GALNT13: variants seen among roughly 807,000 people sequenced by gnomAD.
GALNT13 encodes the protein polypeptide N-acetylgalactosaminyltransferase 13, also known as UDP-GalNAc:polypeptide N-acetylgalactosaminyltransferase 13.
GALNT13 carries 28 observed loss-of-function variants against 64.2 expected under a neutral mutation model. The ratio of observed to expected loss-of-function variants is 0.44; its 90% CI spans 0.32 to 0.60. The LOEUF is 0.60. Ranked by LOEUF, GALNT13 falls within the 20% of genes least tolerant of loss-of-function variation. The pLI is 0.05. For missense variants in GALNT13, 577 were observed against 669.8 expected (o/e 0.86, Z 1.53); for synonymous variants, 214 against 224.6 (o/e 0.95, Z 0.42).
intron 9 of GALNT13, among the ~76,000 whole-genome samples, chr2:154,379,746 A>C (rs1255667320): frequency 6.6e-6 from 1 of 152,074 alleles, no homozygotes; most frequent in Non-Finnish European, 1.5e-5. Context: ...ATTTACAATG[A>C]ATTCTGCAAC....
chr2:153,817,345 A>G, the GALNT13 span, among the ~76,000 whole-genome samples: 1 of 152,224 alleles, frequency 6.6e-6, no homozygotes, highest in African/African-American at 2.4e-5. Flanking sequence ...CATAAAATTC[A>G]GTTTTAGCAA....
chr2:154,285,804 G>C (rs983353122), intron 8 of GALNT13, among the ~76,000 whole-genome samples: 1 of 151,932 alleles, frequency 6.6e-6, no homozygotes, highest in African/African-American at 2.4e-5. Context: ...ATTACTTTAG[G>C]TAATATGAAC....
chr2:154,011,850 A>T (rs779663216), intron 3 of GALNT13, among the ~76,000 whole-genome samples: 3 of 152,080 alleles, frequency 2.0e-5, no homozygotes, highest in Non-Finnish European at 4.4e-5. Flanking sequence ...TTCTTGGTCT[A>T]ATGTTTGTTT....
At chr2:153,563,543 G>A in the GALNT13 span, among the ~76,000 whole-genome samples, 1 of 152,008 alleles carries the variant, frequency 6.6e-6, no homozygotes, top group Non-Finnish European at 1.5e-5. Flanking sequence ...TGTGGAGCGG[G>A]TCCGGGTAGT....
chr2:154,069,703 T>G (rs12693912), intron 3 of GALNT13, among the ~76,000 whole-genome samples: 114,931 of 151,878 alleles, frequency 0.76, 43,869 homozygotes, highest in East Asian at 0.96. Context: ...CTATGGGATT[T>G]GCACAAGGAT....
chr2:153,524,603 G>C, the GALNT13 span, among the ~76,000 whole-genome samples: 1 of 152,232 alleles, frequency 6.6e-6, no homozygotes, highest in Non-Finnish European at 1.5e-5. Context: ...GGGGGAGGAA[G>C]ATGGCAGTAT....
At chr2:153,770,678 A>T in the GALNT13 span, among the ~76,000 whole-genome samples, 107 of 152,340 alleles carry the variant, frequency 7.0e-4, no homozygotes, top group African/African-American at 2.5e-3. Flanking sequence ...GCTGATACAC[A>T]TAGGTATGTA....
intron 3 of GALNT13, among the ~76,000 whole-genome samples, chr2:154,086,384 A>T (rs893592020): frequency 6.8e-6 from 1 of 148,100 alleles, no homozygotes; most frequent in African/African-American, 2.5e-5. Flanking sequence ...CACCAATTCT[A>T]TTTATATTAT....
the GALNT13 span, among the ~76,000 whole-genome samples, chr2:153,504,889 G>A: frequency 2.4e-4 from 36 of 152,194 alleles, 1 homozygote; most frequent in South Asian, 6.2e-3. Context: ...GGGTAATACC[G>A]GCTTCATAGA....
At chr2:153,402,978 C>G in the GALNT13 span, among the ~76,000 whole-genome samples, 1 of 152,052 alleles carries the variant, frequency 6.6e-6, no homozygotes. Context: ...TGAGGAACTG[C>G]GTTCCTTTGG....
chr2:153,567,921 C>T, the GALNT13 span, among the ~76,000 whole-genome samples: 1 of 152,306 alleles, frequency 6.6e-6, no homozygotes, highest in African/African-American at 2.4e-5. Flanking sequence ...GTGCTGAGCA[C>T]GTACATTAAG....
In GALNT13 at chr2:154,396,028, A is replaced by C. The variant is rs1699037714; in HGVS notation, c.1194A>C (p.Arg398Ser). The C allele has an allele frequency of 6.2e-7, 1 of 1,610,328 alleles. No individual in the cohort carries two copies. Among genetic ancestry groups the C allele is most frequent in the Non-Finnish European group, 8.5e-7 (1 of 1,178,392 alleles). Residue 398 changes from arginine to serine, a missense_variant, in exon 10 of 13, where the codon AGA becomes AGC. Transcript: ENST00000392825. Reference sequence around the variant, plus strand: ...TGGATTATGGAGATGTGTCAGTCAGAAAAACACTAAGAGAAAATCTGAAGT... The same window carrying C: ...TGGATTATGGAGATGTGTCAGTCAGCAAAACACTAAGAGAAAATCTGAAGT... ...VKVDYGDVSV[R>S]KTLRENLKCK...
At chr2:153,103,280 C>G in the GALNT13 span, among the ~76,000 whole-genome samples, 3 of 152,198 alleles carry the variant, frequency 2.0e-5, no homozygotes, top group Non-Finnish European at 4.4e-5. Context: ...TCTTTCTGTT[C>G]TTGAAGTATG....
chr2:154,438,857 A>T (rs1237829951), intron 12 of GALNT13, 131 bp downstream of exon 12: 7 of 683,020 alleles, frequency 1.0e-5, no homozygotes, highest in Admixed American at 8.9e-5. Flanking sequence ...ATGCAGGCTC[A>T]TATCCGGTAA....
intron 8 of GALNT13, among the ~76,000 whole-genome samples, chr2:154,266,404 C>CA: frequency 6.6e-6 from 1 of 152,008 alleles, no homozygotes; most frequent in Non-Finnish European, 1.5e-5. Flanking sequence ...ACAAATAAGA[C>CA]AGTCTTCTTA....
At chr2:153,206,737 ATGG>A in the GALNT13 span, among the ~76,000 whole-genome samples, 1 of 152,064 alleles carries the variant, frequency 6.6e-6, no homozygotes, top group Non-Finnish European at 1.5e-5. Flanking sequence ...AAAGTTTGAA[ATGG>A]TGATGTGATT....
chr2:153,978,991 C>T (rs534476423), intron 3 of GALNT13, among the ~76,000 whole-genome samples: 5 of 152,176 alleles, frequency 3.3e-5, no homozygotes, highest in African/African-American at 9.6e-5. Flanking sequence ...CAGTAATATG[C>T]TCCTTACGTC....
At chr2:154,362,483 G>A (rs1697131056) in intron 9 of GALNT13, among the ~76,000 whole-genome samples, 1 of 151,760 alleles carries the variant, frequency 6.6e-6, no homozygotes, top group Non-Finnish European at 1.5e-5. Context: ...GAGCAAGCCA[G>A]TTTAAACTAT....
At chr2:153,535,148 A>G in the GALNT13 span, among the ~76,000 whole-genome samples, 3 of 151,968 alleles carry the variant, frequency 2.0e-5, no homozygotes, top group African/African-American at 2.4e-5. Flanking sequence ...GTAAGGGGTG[A>G]TATTGTGGGG....
Sources: allele counts gnomAD v4.1 joint callset (sites outside exome capture counted in the v4.1 genomes callset), GRCh38; gene constraint gnomAD v4.1.1; transcripts MANE v1.5; gene names NCBI Gene and HGNC (gene_info 2026-07-23, HGNC 2026-07-21).